PYGB: variants seen among roughly 807,000 people sequenced by gnomAD.
The protein encoded by PYGB is glycogen phosphorylase B, also known as glycogen phosphorylase, brain form.
Under a neutral mutation model 94.3 loss-of-function variants are expected in PYGB, and 82 were observed. The observed-to-expected ratio is 0.87, with a 90% CI of 0.73 to 1.04. The LOEUF (loss-of-function observed/expected upper bound fraction) is 1.04, where lower values mean the gene tolerates loss of function less well. Ranked by LOEUF, PYGB falls within the 50% of genes least tolerant of loss-of-function variation. The pLI is 0.00. For synonymous variants in PYGB, 488 were observed against 479.1 expected, an observed-to-expected ratio of 1.02 and a Z score of -0.24; for missense variants, 1,132 against 1,158.2, an observed-to-expected ratio of 0.98 and a Z score of 0.33.
chr20:25,261,004 C>A (rs2092912204), intron 2 of PYGB, among the ~76,000 whole-genome samples: 1 of 152,232 alleles, frequency 6.6e-6, no homozygotes, highest in Non-Finnish European at 1.5e-5. Context: ...GTGGAGCCCA[C>A]CACAGCTCAA....
At chr20:25,266,347 G>A (rs1439844338) in intron 2 of PYGB, among the ~76,000 whole-genome samples, 1 of 151,878 alleles carries the variant, frequency 6.6e-6, no homozygotes, top group African/African-American at 2.4e-5. Flanking sequence ...ATATCTACAT[G>A]CAAATAAATG....
intron 4 of PYGB, 96 bp downstream of exon 4, chr20:25,271,582 C>A: frequency 7.4e-7 from 1 of 1,356,944 alleles, no homozygotes; most frequent in Non-Finnish European, 1.0e-6. Context: ...TCCCACGCCC[C>A]CGCCAGGGGA....
Position 25,296,522 on chromosome 20 carries a change from G to T in PYGB, c.2532G>T (p.Ter844TyrextTer36), listed in dbSNP as rs2088548873. Residue 844 changes from the stop codon to tyrosine (Y), a stop_lost, in exon 20 of 20, where the codon TAG (stop) becomes TAT (tyrosine). Coordinates refer to ENST00000216962, the MANE Select transcript of PYGB (RefSeq NM_002862.4). ...QIPPPNIPRD[*>Y] ...CGCCCCCCAACATCCCCCGGGACTA[G>T]GCACACCCTGCCTTGGCGGGACCAG... 6.2e-7 allele frequency: 1 copy of T among 1,611,776 alleles called. No individual in the cohort carries two copies. The highest frequency in any genetic ancestry group is 1.1e-5 in the South Asian group (1 of 90,964).
In PYGB at chr20:25,294,686, G is replaced by A. The variant is rs550542193; in HGVS notation, c.2312+394G>A. 3.3e-4 allele frequency: 193 copies of A among 587,470 alleles called. 2 individuals are homozygous for A. Among genetic ancestry groups the A allele is most frequent in the Non-Finnish European group, 5.1e-4 (166 of 325,946 alleles). 36.4% of individuals were successfully genotyped at this position (587,470 alleles called of 1,614,324 possible). On this transcript the variant is annotated intron_variant, in intron 18 of 19. Coordinates refer to ENST00000216962, the MANE Select transcript of PYGB (RefSeq NM_002862.4). ...GGCGCACAAGGGCTGCGGAACCGCGGCAGGCGTCAGTGCCAGTGACAGGCA... is the reference window on the plus strand; with the variant it reads ...GGCGCACAAGGGCTGCGGAACCGCGACAGGCGTCAGTGCCAGTGACAGGCA...
chr20:25,248,133 C>G lies in PYGB; in HGVS notation c.-46C>G, dbSNP rs754948533. The G allele has an allele frequency of 4.6e-6, 7 of 1,532,110 alleles. No homozygotes were observed. The highest frequency in any genetic ancestry group is 1.9e-5 in the Admixed American group (1 of 53,250). 94.9% of individuals were successfully genotyped at this position (1,532,110 alleles called of 1,614,324 possible). A position where few individuals can be genotyped will look rare whatever the true frequency, so the allele number is the denominator to read the frequency against. ...GCACCATCCCGGCGTTCGCGTGTGC[C>G]GCCGCTTTCCTCCTCCATCTCTTTT... On this transcript the variant is annotated 5_prime_UTR_variant, in exon 1 of 20. Coordinates refer to ENST00000216962, the MANE Select transcript of PYGB (RefSeq NM_002862.4).
At chr20:25,261,970 T>C (rs2092914577) in intron 2 of PYGB, among the ~76,000 whole-genome samples, 1 of 152,046 alleles carries the variant, frequency 6.6e-6, no homozygotes, top group East Asian at 1.9e-4. Context: ...CCAAGAAATA[T>C]GGGACTATGT....
At chr20:25,257,868 G>T (rs183956124) in intron 1 of PYGB, among the ~76,000 whole-genome samples, 2 of 152,280 alleles carry the variant, frequency 1.3e-5, no homozygotes, top group East Asian at 3.9e-4. Flanking sequence ...CTCTGCCAGA[G>T]GGGGGAGGCA....
chr20:25,284,715 T>G (rs1286890153), intron 14 of PYGB, among the ~76,000 whole-genome samples: 1 of 152,264 alleles, frequency 6.6e-6, no homozygotes, highest in Admixed American at 6.5e-5. Context: ...CATGAGCCAC[T>G]GTACCGGGCC....
At position 25,271,384 on chromosome 20, in the gene PYGB, G is replaced by A. The variant is rs776238656; in HGVS notation, c.426G>A (p.Ala142=). 31 of 1,613,766 alleles carry A rather than the reference G, an allele frequency of 1.9e-5. No individual in the cohort carries two copies. Among genetic ancestry groups the A allele is most frequent in the South Asian group, 1.6e-4 (15 of 91,084 alleles). The change falls in exon 4 of 20, where the codon GCG becomes GCA. Residue 142 remains alanine, a splice_region_variant and synonymous_variant. Coordinates refer to ENST00000216962, the MANE Select transcript of PYGB (RefSeq NM_002862.4). ...CTGATTTGTGATTGATTTTTTCAGCGTGTTTCCTTGACTCAATGGCTACCT... is the reference window on the plus strand; with the variant it reads ...CTGATTTGTGATTGATTTTTTCAGCATGTTTCCTTGACTCAATGGCTACCT... ...LGNGGLGRLA[A]CFLDSMATLG... is the part of the protein sequence containing the mutation.
At chr20:25,275,201 C>T (rs1007512299) in intron 5 of PYGB, among the ~76,000 whole-genome samples, 1 of 152,274 alleles carries the variant, frequency 6.6e-6, no homozygotes, top group Non-Finnish European at 1.5e-5. Context: ...CTGTCAGAGC[C>T]CCTGGAGTGT....
intron 3 of PYGB, among the ~76,000 whole-genome samples, chr20:25,270,210 T>G (rs569151540): frequency 0.027 from 3,945 of 146,560 alleles, 175 homozygotes; most frequent in African/African-American, 0.085. Flanking sequence ...TGTTTTGTTT[T>G]TTTTTTTTTT....
chr20:25,256,701 C>T (rs572114618), intron 1 of PYGB, among the ~76,000 whole-genome samples: 4 of 152,226 alleles, frequency 2.6e-5, no homozygotes, highest in Admixed American at 6.5e-5. Context: ...CAGGTGAGTC[C>T]AGTTCTCCAA....
chr20:25,267,573 C>T (rs2088228922), intron 2 of PYGB, among the ~76,000 whole-genome samples: 1 of 152,166 alleles, frequency 6.6e-6, no homozygotes, highest in Admixed American at 6.5e-5. Context: ...CTCTGTCACC[C>T]AGGCTGGAGT....
chr20:25,254,664 C>T (rs1047865113), intron 1 of PYGB, among the ~76,000 whole-genome samples: 5 of 152,224 alleles, frequency 3.3e-5, no homozygotes, highest in South Asian at 2.1e-4. Context: ...TGTTTAAAAA[C>T]GATGACTGGT....
intron 15 of PYGB, 154 bp downstream of exon 15, chr20:25,288,637 A>C: frequency 4.8e-6 from 4 of 831,378 alleles, no homozygotes; most frequent in Admixed American, 2.7e-5. Flanking sequence ...GGGGGTGGGG[A>C]CCCTGTAGAG....
chr20:25,289,708 G>A (rs2088448680), intron 15 of PYGB: 2 of 388,624 alleles, frequency 5.1e-6, no homozygotes. Flanking sequence ...AAGAATTGTA[G>A]CAAAACCATA....
intron 14 of PYGB, among the ~76,000 whole-genome samples, chr20:25,287,734 C>T (rs2088430141): frequency 6.6e-6 from 1 of 151,828 alleles, no homozygotes. Flanking sequence ...AATCCCTGCA[C>T]TTTGGGAGGC....
rs1360241878 is a variant in PYGB, at chr20:25,277,342, G to A, written c.855+16G>A. 1 of 1,537,818 alleles carries A rather than the reference G, an allele frequency of 6.5e-7. No homozygotes were observed. Among genetic ancestry groups the A allele is most frequent in the African/African-American group, 1.4e-5 (1 of 73,094 alleles). On this transcript the variant is annotated intron_variant, in intron 7 of 19. Coordinates refer to ENST00000216962, the MANE Select transcript of PYGB (RefSeq NM_002862.4). ...AAATGATAACGTGAGTAGCTGGCCT[G>A]GGCACTCTTGCTCAGGCCGTATCGC...
Position 25,256,866 on chromosome 20 carries a change from A to G in PYGB, c.244-2371A>G, listed in dbSNP as rs930973386. On this transcript the variant is annotated intron_variant, in intron 1 of 19. Coordinates refer to ENST00000216962, the MANE Select transcript of PYGB (RefSeq NM_002862.4). The stretch of plus-strand genomic sequence containing the variant: ...GCTTGGACAAAGCCTATGCCTTTAC[A>G]TGGTTTTTTTCAGAACTGCCACTTG... 9.2e-5 allele frequency among the ~76,000 whole-genome samples: 14 copies of G among 152,294 alleles called. No homozygotes were observed. The East Asian group carries it at 1.7e-3, about 19-fold the overall frequency.
Sources: allele counts gnomAD v4.1 joint callset (sites outside exome capture counted in the v4.1 genomes callset), GRCh38; gene constraint gnomAD v4.1.1; transcripts MANE v1.5; gene names NCBI Gene and HGNC (gene_info 2026-07-23, HGNC 2026-07-21).